SMCO4: variants seen among roughly 807,000 people sequenced by gnomAD.
The protein encoded by SMCO4 is single-pass membrane protein with coiled-coil domains 4.
In SMCO4, 4 loss-of-function variants were observed where a neutral mutation model predicts 3.6. That is an observed-to-expected ratio of 1.11 (90% confidence interval 0.54 to 2.53). The LOEUF (loss-of-function observed/expected upper bound fraction) is 2.53, where lower values mean the gene tolerates loss of function less well. Ranked by LOEUF, SMCO4 falls within the 30% of genes most tolerant of loss-of-function variation. The probability of loss-of-function intolerance (pLI) is 0.02; values close to 1 mark genes in which losing one functional copy is unlikely to be tolerated. For synonymous variants in SMCO4, 36 were observed against 35.3 expected (o/e 1.02, Z -0.07); for missense variants, 70 against 80.8 (o/e 0.87, Z 0.51).
At chr11:93,508,948 A>T (rs1252855608) in intron 1 of SMCO4, among the ~76,000 whole-genome samples, 3 of 152,184 alleles carry the variant, frequency 2.0e-5, no homozygotes, top group Non-Finnish European at 4.4e-5. Flanking sequence ...ACTGGGTTAT[A>T]CCAATTAAGA....
In SMCO4 at chr11:93,478,920, A is replaced by C; in HGVS notation, c.*90T>G. The C allele has an allele frequency of 6.7e-7, 1 of 1,482,098 alleles. No individual in the cohort carries two copies. Among genetic ancestry groups the C allele is most frequent in the African/African-American group, 1.4e-5 (1 of 71,782 alleles). 91.8% of individuals were successfully genotyped at this position (1,482,098 alleles called of 1,614,324 possible). A position where few individuals can be genotyped will look rare whatever the true frequency, so the allele number is the denominator to read the frequency against. On this transcript the variant is annotated 3_prime_UTR_variant, in exon 3 of 3. Coordinates refer to ENST00000298966, the MANE Select transcript of SMCO4 (RefSeq NM_020179.3). ...TCCTGCTTACAGCTCAGCAACATGAACATCTCTGAATATGAAAGCCATTTT... is the reference window on the plus strand; with the variant it reads ...TCCTGCTTACAGCTCAGCAACATGACCATCTCTGAATATGAAAGCCATTTT...
intron 1 of SMCO4, among the ~76,000 whole-genome samples, chr11:93,500,099 T>C (rs966867295): frequency 6.6e-6 from 1 of 152,250 alleles, no homozygotes; most frequent in Non-Finnish European, 1.5e-5. Flanking sequence ...AATGGTACAA[T>C]GCCTATCATT....
chr11:93,519,692 G>A (rs185881698), intron 1 of SMCO4, among the ~76,000 whole-genome samples: 1 of 152,330 alleles, frequency 6.6e-6, no homozygotes, highest in African/African-American at 2.4e-5. Context: ...GCTTATTATG[G>A]ATCCAGAAAA....
intron 2 of SMCO4, among the ~76,000 whole-genome samples, chr11:93,492,744 G>T (rs150713797): frequency 7.9e-5 from 12 of 152,306 alleles, no homozygotes; most frequent in African/African-American, 2.4e-4. Flanking sequence ...AGGGCGACCA[G>T]AGCAGAACGA....
At chr11:93,550,225 CAA>C in the SMCO4 span, among the ~76,000 whole-genome samples, 1 of 152,176 alleles carries the variant, frequency 6.6e-6, no homozygotes, top group African/African-American at 2.4e-5. Context: ...TGGCAAATGT[CAA>C]GTTTCTATTT....
At chr11:93,519,981 G>A (rs542625600) in intron 1 of SMCO4, among the ~76,000 whole-genome samples, 8 of 152,222 alleles carry the variant, frequency 5.3e-5, no homozygotes, top group Middle Eastern at 3.4e-3. Flanking sequence ...GCTACACTAC[G>A]AACATAAAAT....
At chr11:93,549,249 T>C in the SMCO4 span, among the ~76,000 whole-genome samples, 1 of 152,226 alleles carries the variant, frequency 6.6e-6, no homozygotes, top group African/African-American at 2.4e-5. Flanking sequence ...TTAATCCCTG[T>C]TTTACAAAGA....
chr11:93,541,329 G>T (rs908328701), intron 1 of SMCO4, among the ~76,000 whole-genome samples: 10 of 152,186 alleles, frequency 6.6e-5, no homozygotes, highest in Admixed American at 3.3e-4. Context: ...CTAACTCACT[G>T]CTTGCCTTTT....
intron 1 of SMCO4, among the ~76,000 whole-genome samples, chr11:93,528,240 G>A (rs1003688023): frequency 6.6e-6 from 1 of 152,118 alleles, no homozygotes; most frequent in Admixed American, 6.5e-5. Context: ...ATAAAATTTT[G>A]TAGTTATGAT....
At chr11:93,529,980 G>A (rs1949147123) in intron 1 of SMCO4, among the ~76,000 whole-genome samples, 1 of 152,216 alleles carries the variant, frequency 6.6e-6, no homozygotes, top group Admixed American at 6.5e-5. Context: ...GTCTCCAAAG[G>A]TCCTCTTGGA....
At chr11:93,496,172 A>G (rs549533305) in intron 2 of SMCO4, among the ~76,000 whole-genome samples, 5 of 152,190 alleles carry the variant, frequency 3.3e-5, no homozygotes, top group Non-Finnish European at 7.3e-5. Flanking sequence ...GGAATAGAAG[A>G]AAAGGGGAAG....
At chr11:93,553,841 T>C in the SMCO4 span, among the ~76,000 whole-genome samples, 1 of 152,212 alleles carries the variant, frequency 6.6e-6, no homozygotes, top group African/African-American at 2.4e-5. Flanking sequence ...AAAATCTTGG[T>C]AGGACCAAGC....
chr11:93,524,319 G>A (rs1345603394), intron 1 of SMCO4, among the ~76,000 whole-genome samples: 1 of 152,158 alleles, frequency 6.6e-6, no homozygotes, highest in African/African-American at 2.4e-5. Context: ...TGAGGGAGAA[G>A]AGAACCCTAC....
Position 93,503,890 on chromosome 11 carries a change from C to T in SMCO4, c.-153-4542G>A, listed in dbSNP as rs184676487. 3.7e-4 allele frequency among the ~76,000 whole-genome samples: 56 copies of T among 152,300 alleles called. 1 individual carries two copies. Among genetic ancestry groups the T allele is most frequent in the African/African-American group, 1.3e-3 (54 of 41,554 alleles). ...AATGTATTACAGCAGCAACAGGAAA[C>T]TAATACAAGTCCATGTTGCTCTCAA... On this transcript the variant is annotated intron_variant, in intron 1 of 2. Transcript: ENST00000298966.
intron 2 of SMCO4, among the ~76,000 whole-genome samples, chr11:93,484,375 CAG>C (rs1480796115): frequency 6.6e-6 from 1 of 152,132 alleles, no homozygotes; most frequent in East Asian, 1.9e-4. Flanking sequence ...ATAATGTACA[CAG>C]AGTGTTAGAT....
chr11:93,518,432 G>A (rs1949029077), intron 1 of SMCO4, among the ~76,000 whole-genome samples: 1 of 152,306 alleles, frequency 6.6e-6, no homozygotes, highest in South Asian at 2.1e-4. Flanking sequence ...TGGATTCAAG[G>A]ATTTAAGTCC....
chr11:93,482,807 A>G (rs545870332), intron 2 of SMCO4, among the ~76,000 whole-genome samples: 26 of 152,312 alleles, frequency 1.7e-4, no homozygotes, highest in African/African-American at 4.8e-4. Flanking sequence ...GTAGCTTGTG[A>G]TGACGGGTCT....
intron 2 of SMCO4, among the ~76,000 whole-genome samples, chr11:93,492,848 C>T (rs1247151590): frequency 1.3e-5 from 2 of 152,198 alleles, no homozygotes; most frequent in Non-Finnish European, 2.9e-5. Flanking sequence ...TCAATGCTTA[C>T]CATGTGTGCT....
intron 1 of SMCO4, among the ~76,000 whole-genome samples, chr11:93,511,294 G>T (rs1180414000): frequency 6.6e-6 from 1 of 152,128 alleles, no homozygotes; most frequent in Admixed American, 6.5e-5. Flanking sequence ...CAAACACCCA[G>T]TTAGGTTTTC....
Sources: allele counts gnomAD v4.1 joint callset (sites outside exome capture counted in the v4.1 genomes callset), GRCh38; gene constraint gnomAD v4.1.1; transcripts MANE v1.5; gene names NCBI Gene and HGNC (gene_info 2026-07-23, HGNC 2026-07-21).